Variants in CEMIP2 observed in about 807,000 individuals in gnomAD.
CEMIP2 encodes cell surface hyaluronidase CEMIP2.
A neutral mutation model predicts 146.9 loss-of-function variants in CEMIP2; 79 were observed. That is an observed-to-expected ratio of 0.54 (90% CI 0.45 to 0.65). The LOEUF is 0.65. Among genes scored for constraint, CEMIP2 ranks in the 30% least tolerant of loss-of-function variants. The pLI, the probability that CEMIP2 is intolerant of heterozygous loss-of-function variation, is 0.00. For missense variants in CEMIP2, 1,596 were observed against 1,696.2 expected (o/e 0.94, Z 1.04); for synonymous variants, 601 against 606.3 (o/e 0.99, Z 0.13).
Position 71,751,877 on chromosome 9 carries a change from GA to G in CEMIP2, c.-12-1493del, listed in dbSNP as rs112214243. On this transcript the variant is annotated intron_variant, in intron 1 of 23. Transcript: ENST00000377044. Reference sequence around the variant, plus strand: ...ATTACTATCTGTGTTATCACTTAACGATATAGATTGTGAATTCATTTAGTGA... The same window carrying G: ...ATTACTATCTGTGTTATCACTTAACGTATAGATTGTGAATTCATTTAGTGA... 4.0e-3 allele frequency among the ~76,000 whole-genome samples: 616 copies of G among 152,188 alleles called. 8 individuals carry two copies. The highest frequency in any genetic ancestry group is 0.014 in the African/African-American group (572 of 41,508).
At chr9:71,695,971 T>C (rs527780640) in intron 20 of CEMIP2, among the ~76,000 whole-genome samples, 23 of 152,008 alleles carry the variant, frequency 1.5e-4, no homozygotes, top group Non-Finnish European at 2.1e-4. Context: ...AAAAAAAAAT[T>C]ACCCACAAAT....
At position 71,732,355 on chromosome 9, in the gene CEMIP2, A is replaced by T; in HGVS notation, c.1559T>A (p.Ile520Asn). ...TAATCAAATCCTTTTGCCTACCATA[A>T]TGTGTCCCCCAAAGGTATCATAATC... is the stretch of plus-strand genomic sequence containing the variant. ...FFDYDTFGGH[I>N]MIMKNFTSVH... The change falls in exon 7 of 24, where the codon ATT (isoleucine) becomes AAT (asparagine). Residue 520 changes from isoleucine to asparagine, a missense_variant. Coordinates refer to ENST00000377044, the MANE Select transcript of CEMIP2 (RefSeq NM_013390.3). 1 of 1,607,180 alleles carries T rather than the reference A, an allele frequency of 6.2e-7. No individual in the cohort carries two copies. Among genetic ancestry groups the T allele is most frequent in the Non-Finnish European group, 8.5e-7 (1 of 1,177,968 alleles).
chr9:71,685,420 G>GA (rs759498024), intron 23 of CEMIP2, 27 bp from the exon 24 acceptor site: 17 of 1,288,608 alleles, frequency 1.3e-5, no homozygotes, highest in Admixed American at 3.0e-5. Flanking sequence ...AAAAGAAAAA[G>GA]AAAAAAAATC....
At chr9:71,700,863 A>G in intron 18 of CEMIP2, 39 bp from the exon 19 acceptor site, 2 of 1,565,768 alleles carry the variant, frequency 1.3e-6, no homozygotes, top group Non-Finnish European at 1.7e-6. Flanking sequence ...TTTACACTTC[A>G]GCCATTATCT....
chr9:71,724,248 C>T (rs1238384973), intron 11 of CEMIP2, among the ~76,000 whole-genome samples: 1 of 151,670 alleles, frequency 6.6e-6, no homozygotes, highest in Non-Finnish European at 1.5e-5. Flanking sequence ...GAGCTGAGAT[C>T]GCACCACTGC....
chr9:71,722,487 T>G lies in CEMIP2; in HGVS notation c.2207A>C (p.Lys736Thr). ...GTCAGCAGCACTAGAGTTGGTTGTT[T>G]TGACACCTTTGTCAATAAATAAGCC... is the stretch of plus-strand genomic sequence containing the variant. ...KAGLFIDKGV[K>T]TTNSSAADPR... Residue 736 changes from lysine (K) to threonine (T), a missense_variant, in exon 12 of 24, where the codon AAA (lysine) becomes ACA (threonine). Transcript: ENST00000377044. 1 of 1,613,752 alleles carries G rather than the reference T, an allele frequency of 6.2e-7. No homozygotes were observed. The highest frequency in any genetic ancestry group is 8.5e-7 in the Non-Finnish European group (1 of 1,179,824).
chr9:71,704,518 G>A, intron 18 of CEMIP2, 77 bp downstream of exon 18: 1 of 1,525,656 alleles, frequency 6.6e-7, no homozygotes, highest in Non-Finnish European at 9.1e-7. Flanking sequence ...TTGCTGCAAA[G>A]GAGACATAAG....
chr9:71,697,838 A>T, intron 20 of CEMIP2, 147 bp downstream of exon 20: 1 of 756,436 alleles, frequency 1.3e-6, no homozygotes, highest in Non-Finnish European at 2.1e-6. Context: ...TACGCGCTTC[A>T]CATTTTAGCA....
intron 1 of CEMIP2, among the ~76,000 whole-genome samples, chr9:71,765,639 A>T (rs1280176206): frequency 6.6e-6 from 1 of 151,948 alleles, no homozygotes; most frequent in East Asian, 1.9e-4. Context: ...CCCACCCCCA[A>T]CTGTTCCTTC....
At position 71,724,614 on chromosome 9, in the gene CEMIP2, C is replaced by T. The variant is rs140448023; in HGVS notation, c.2178+967G>A. Among the ~76,000 whole-genome samples the T allele has an allele frequency of 5.7e-3, 873 of 152,230 alleles. 4 individuals are homozygous for T. Among genetic ancestry groups the T allele is most frequent in the Non-Finnish European group, 0.01 (696 of 68,014 alleles). On this transcript the variant is annotated intron_variant, in intron 11 of 23. Transcript: ENST00000377044. ...ACACACATAACAAAACATTAAAGTGCCTGTGAGCACAAAATAAACCAAATG... is the reference window on the plus strand; with the variant it reads ...ACACACATAACAAAACATTAAAGTGTCTGTGAGCACAAAATAAACCAAATG...
intron 17 of CEMIP2, among the ~76,000 whole-genome samples, chr9:71,707,626 G>C (rs1181289279): frequency 6.6e-6 from 1 of 152,202 alleles, no homozygotes; most frequent in Non-Finnish European, 1.5e-5. Context: ...AGGGGGCTCA[G>C]AGAAGTGACA....
At chr9:71,696,499 A>C (rs951911147) in intron 20 of CEMIP2, among the ~76,000 whole-genome samples, 3 of 151,978 alleles carry the variant, frequency 2.0e-5, no homozygotes, top group Admixed American at 2.0e-4. Flanking sequence ...TGGCCAGTGC[A>C]GAGGCTTACA....
chr9:71,709,269 G>T lies in CEMIP2; in HGVS notation c.2975C>A (p.Thr992Asn), dbSNP rs1247929612. The part of the protein sequence containing the change: ...SKWNAVICSG[T>N]YAQVYVQTWS... ...ATTTGCTAAGCCTACCTGTGCATAG[G>T]TCCCACTGCAGATCACTGCATTCCA... The change falls in exon 17 of 24, where the codon ACC becomes AAC. Residue 992 changes from threonine to asparagine, a missense_variant. Physicochemically the swap from Thr to Asn is moderately conservative, Grantham distance 65 (BLOSUM62 0). Coordinates refer to ENST00000377044, the MANE Select transcript of CEMIP2 (RefSeq NM_013390.3). 2 of 1,614,060 alleles carry T rather than the reference G, an allele frequency of 1.2e-6. No individual in the cohort carries two copies. Among genetic ancestry groups the T allele is most frequent in the East Asian group, 4.5e-5 (2 of 44,890 alleles).
At position 71,730,272 on chromosome 9, in the gene CEMIP2, A is replaced by G. The variant is rs373100769; in HGVS notation, c.1774-19T>C. The G allele has an allele frequency of 1.1e-5, 18 of 1,603,196 alleles. No homozygotes were observed. Among genetic ancestry groups the G allele is most frequent in the African/African-American group, 1.3e-5 (1 of 74,656 alleles). ...CTTTTATCTGCAGAAATAAAAGTAT[A>G]TTAATGTCATTGGTAACAAGAATGA... On this transcript the variant is annotated intron_variant, in intron 8 of 23. Transcript: ENST00000377044.
intron 1 of CEMIP2, among the ~76,000 whole-genome samples, chr9:71,765,986 C>T (rs1034265282): frequency 3.3e-5 from 5 of 152,100 alleles, no homozygotes; most frequent in Admixed American, 6.5e-5. Flanking sequence ...TTAGAGCACA[C>T]ATCACAATGC....
At chr9:71,759,868 A>G (rs1430558580) in intron 1 of CEMIP2, among the ~76,000 whole-genome samples, 1 of 151,518 alleles carries the variant, frequency 6.6e-6, no homozygotes, top group Non-Finnish European at 1.5e-5. Flanking sequence ...TCTTTGTAGT[A>G]GGGGAAAAGT....
At chr9:71,768,579 G>A (rs1015588749), upstream of CEMIP2, 5 of 152,666 alleles carry the variant, frequency 3.3e-5, no homozygotes, top group South Asian at 2.1e-4. Flanking sequence ...ACTTCCCTCC[G>A]CCTCCGCCTC....
Position 71,729,928 on chromosome 9 carries a change from T to C in CEMIP2, c.1980-14A>G, listed in dbSNP as rs780691075. ...GTTGAAACAGCCCTGCAAGGCATTT[T>C]TCAAGGTGATTTAAACATTCTTCAT... On this transcript the variant is annotated splice_polypyrimidine_tract_variant and intron_variant, in intron 9 of 23. Transcript: ENST00000377044. The C allele has an allele frequency of 6.2e-7, 1 of 1,614,112 alleles. No homozygotes were observed. Among genetic ancestry groups the C allele is most frequent in the South Asian group, 1.1e-5 (1 of 91,078 alleles).
chr9:71,695,672 T>G (rs1362525049), intron 20 of CEMIP2, among the ~76,000 whole-genome samples: 1 of 151,852 alleles, frequency 6.6e-6, no homozygotes, highest in Admixed American at 6.6e-5. Context: ...AGACTCCATC[T>G]CAAAAAAAAC....
Sources: gnomAD v4.1 joint callset for allele counts (sites outside exome capture counted in the v4.1 genomes callset) on GRCh38, gnomAD v4.1.1 for gene constraint, MANE v1.5 for transcripts, NCBI Gene and HGNC (gene_info 2026-07-23, HGNC 2026-07-21) for gene names.